The following PLD5 variants were observed in gnomAD, a reference collection of about 807,000 sequenced individuals.
PLD5 encodes phospholipase D family member 5.
Under a neutral mutation model 61.1 loss-of-function variants are expected in PLD5, and 36 were observed. That is an observed-to-expected ratio of 0.59 (90% confidence interval 0.45 to 0.78). PLD5 has a LOEUF of 0.78. Among genes scored for constraint, PLD5 ranks in the 30% least tolerant of loss-of-function variants. The pLI is 0.00. For missense variants in PLD5, 515 were observed against 644.4 expected (o/e 0.80, Z 2.17); for synonymous variants, 243 against 242.8 (o/e 1.00, Z -0.01).
intron 4 of PLD5, among the ~76,000 whole-genome samples, chr1:242,224,966 T>C (rs1670833423): frequency 6.6e-6 from 1 of 152,202 alleles, no homozygotes; most frequent in African/African-American, 2.4e-5. Flanking sequence ...TGCAGTATCT[T>C]CCTCTTCAAA....
At chr1:242,524,031 G>C (rs1669363179) in intron 1 of PLD5, 57 bp downstream of exon 1, 1 of 1,483,338 alleles carries the variant, frequency 6.7e-7, no homozygotes. Context: ...CACCACCACG[G>C]GGAGGGTGCA....
Position 242,377,039 on chromosome 1 carries a change from G to T in PLD5, c.190-28797C>A. On this transcript the variant is annotated intron_variant, in intron 1 of 9. Transcript: ENST00000536534. The stretch of plus-strand genomic sequence containing the variant: ...TTTTTGCGCACACTTTGCACTTTCT[G>T]TCTGACACGGTGCCATCAGGGGAGT... 7 of 1,611,738 alleles carry T rather than the reference G, an allele frequency of 4.3e-6. No individual in the cohort carries two copies. The Middle Eastern group carries it at 1.1e-3, about 260-fold the overall frequency.
At chr1:242,417,932 G>T (rs1664920561) in intron 1 of PLD5, among the ~76,000 whole-genome samples, 1 of 152,140 alleles carries the variant, frequency 6.6e-6, no homozygotes, top group Admixed American at 6.5e-5. Context: ...AATGCTAAAG[G>T]AAGAACCACC....
At chr1:242,522,918 T>C (rs1669324764) in intron 1 of PLD5, among the ~76,000 whole-genome samples, 1 of 152,182 alleles carries the variant, frequency 6.6e-6, no homozygotes, top group African/African-American at 2.4e-5. Flanking sequence ...AGTGACTTCA[T>C]CAGGCCCTCA....
Position 242,476,141 on chromosome 1 carries a change from G to A in PLD5, c.189+47947C>T, listed in dbSNP as rs530413188. On this transcript the variant is annotated intron_variant, in intron 1 of 9. Coordinates refer to ENST00000536534, the MANE Select transcript of PLD5 (RefSeq NM_001372062.1). Reference sequence around the variant, plus strand: ...AGGCCAAGGCGAGCGGATCACCTGAGGTCAGGAGTTCGAGACCAGCCTGAC... The same window carrying A: ...AGGCCAAGGCGAGCGGATCACCTGAAGTCAGGAGTTCGAGACCAGCCTGAC... Among the ~76,000 whole-genome samples the A allele has an allele frequency of 7.9e-5, 12 of 152,282 alleles. No homozygotes were observed. The East Asian group carries it at 2.3e-3, about 29-fold the overall frequency.
chr1:242,090,618 A>G (rs1008344170), intron 9 of PLD5, among the ~76,000 whole-genome samples: 11 of 152,222 alleles, frequency 7.2e-5, no homozygotes, highest in African/African-American at 2.7e-4. Context: ...CATTTCCCAG[A>G]CCCAGGATCC....
chr1:242,405,039 C>T lies in PLD5; in HGVS notation c.190-56797G>A, dbSNP rs150639112. Among the ~76,000 whole-genome samples, 550 of 151,922 alleles carry T rather than the reference C, an allele frequency of 3.6e-3. 2 individuals carry two copies. Among genetic ancestry groups the T allele is most frequent in the African/African-American group, 0.012 (503 of 41,374 alleles). On this transcript the variant is annotated intron_variant, in intron 1 of 9. Transcript: ENST00000536534. ...GGATTACAGGTGTGCACCACCACAC[C>T]TGGCTAAATGTTTGTATTTTAAATA...
At chr1:242,223,851 TAGAGAG>T (rs34987274) in intron 4 of PLD5, among the ~76,000 whole-genome samples, 5,426 of 144,288 alleles carry the variant, frequency 0.038, 186 homozygotes, top group African/African-American at 0.091. Flanking sequence ...TATATATAAA[TAGAGAG>T]AGAGAGAGAG....
At chr1:242,209,759 T>C (rs1669677288) in intron 5 of PLD5, among the ~76,000 whole-genome samples, 1 of 152,126 alleles carries the variant, frequency 6.6e-6, no homozygotes, top group Admixed American at 6.5e-5. Context: ...AGTTTCAAGT[T>C]AAAGGAAGAG....
intron 1 of PLD5, among the ~76,000 whole-genome samples, chr1:242,356,268 A>G (rs1221868670): frequency 6.6e-6 from 1 of 152,170 alleles, no homozygotes; most frequent in East Asian, 1.9e-4. Context: ...AGGTGCATAT[A>G]TAATTGTTAT....
chr1:242,322,415 C>T (rs367748926), intron 2 of PLD5, among the ~76,000 whole-genome samples: 1 of 152,224 alleles, frequency 6.6e-6, no homozygotes, highest in Non-Finnish European at 1.5e-5. Context: ...TTTAAAGATG[C>T]CCACAGTTGC....
intron 5 of PLD5, among the ~76,000 whole-genome samples, chr1:242,133,242 C>T: frequency 6.6e-6 from 1 of 152,108 alleles, no homozygotes. Flanking sequence ...AATTTTGTAA[C>T]TTCACTTTAG....
chr1:242,410,758 A>G (rs185376029), intron 1 of PLD5, among the ~76,000 whole-genome samples: 48 of 152,222 alleles, frequency 3.2e-4, no homozygotes, highest in African/African-American at 1.2e-3. Flanking sequence ...ATCGCCAAGC[A>G]GGTGACCTCA....
chr1:242,461,302 A>T (rs1667111480), intron 1 of PLD5, among the ~76,000 whole-genome samples: 1 of 152,166 alleles, frequency 6.6e-6, no homozygotes, highest in Admixed American at 6.5e-5. Flanking sequence ...TCAACCTGGC[A>T]TAGTGATATT....
chr1:242,194,677 T>C (rs1295161837), intron 5 of PLD5, among the ~76,000 whole-genome samples: 1 of 148,586 alleles, frequency 6.7e-6, no homozygotes, highest in Non-Finnish European at 1.5e-5. Context: ...TACCTATCTA[T>C]GATAGAATAC....
At chr1:242,507,340 A>G (rs1164004772) in intron 1 of PLD5, among the ~76,000 whole-genome samples, 1 of 152,170 alleles carries the variant, frequency 6.6e-6, no homozygotes, top group Non-Finnish European at 1.5e-5. Flanking sequence ...TGAACCATGG[A>G]TGTTGTGCAG....
intron 4 of PLD5, among the ~76,000 whole-genome samples, chr1:242,254,348 G>GAAAA (rs59783629): frequency 2.3e-5 from 3 of 132,672 alleles, no homozygotes; most frequent in Non-Finnish European, 3.1e-5. Flanking sequence ...TCATTTAACT[G>GAAAA]AAAAAAAAAA....
In PLD5 at chr1:242,278,648, T is replaced by G. The variant is rs188197531; in HGVS notation, c.495+9714A>C. 7.7e-4 allele frequency among the ~76,000 whole-genome samples: 117 copies of G among 152,312 alleles called. 3 individuals carry two copies. In the East Asian group the frequency reaches 0.021, roughly 28 times the overall value. Reference sequence around the variant, plus strand: ...TGCTGAGAGCACCCCTCAGTGTTGTTCTACTATGCTGTATCGTTATAAATG... The same window carrying G: ...TGCTGAGAGCACCCCTCAGTGTTGTGCTACTATGCTGTATCGTTATAAATG... On this transcript the variant is annotated intron_variant, in intron 3 of 9. Coordinates refer to ENST00000536534, the MANE Select transcript of PLD5 (RefSeq NM_001372062.1).
At chr1:242,526,580 T>C (rs11589202), upstream of PLD5, among the ~76,000 whole-genome samples, 22,884 of 152,056 alleles carry the variant, frequency 0.15, 1,723 homozygotes, top group East Asian at 0.19. Flanking sequence ...GGACTACAGG[T>C]GCACGTCACC....
Sources: gnomAD v4.1 joint callset for allele counts (sites outside exome capture counted in the v4.1 genomes callset) on GRCh38, gnomAD v4.1.1 for gene constraint, MANE v1.5 for transcripts, NCBI Gene and HGNC (gene_info 2026-07-23, HGNC 2026-07-21) for gene names.